The following NOL10 variants were observed in gnomAD, a reference collection of about 807,000 sequenced individuals.
NOL10 encodes H_NH0074G24.1.
A neutral mutation model predicts 103.5 loss-of-function variants in NOL10; 58 were observed. That is an observed-to-expected ratio of 0.56 (90% CI 0.45 to 0.70). The LOEUF (loss-of-function observed/expected upper bound fraction) is 0.70, where lower values mean the gene tolerates loss of function less well. Ranked by LOEUF, NOL10 falls within the 30% of genes least tolerant of loss-of-function variation. NOL10 has a pLI of 0.00. For synonymous variants in NOL10, 287 were observed against 282.5 expected, an observed-to-expected ratio of 1.02 and a Z score of -0.16; for missense variants, 763 against 807.3, an observed-to-expected ratio of 0.95 and a Z score of 0.67.
chr2:10,603,759 A>G (rs1225929285), intron 14 of NOL10, among the ~76,000 whole-genome samples: 1 of 152,206 alleles, frequency 6.6e-6, no homozygotes, highest in Non-Finnish European at 1.5e-5. Context: ...ACTTTCACAG[A>G]GTTTCCCAGT....
At chr2:10,651,236 T>C (rs553002335) in intron 12 of NOL10, among the ~76,000 whole-genome samples, 12 of 152,168 alleles carry the variant, frequency 7.9e-5, no homozygotes, top group African/African-American at 2.9e-4. Flanking sequence ...TTGGTTACAA[T>C]GGAAAAACTG....
In NOL10 at chr2:10,682,063, C is replaced by T. The variant is rs1356857139; in HGVS notation, c.119G>A (p.Arg40His). 7 of 1,466,308 alleles carry T rather than the reference C, an allele frequency of 4.8e-6. No homozygotes were observed. The highest frequency in any genetic ancestry group is 2.9e-5 in the African/African-American group (2 of 69,970). 90.8% of individuals were successfully genotyped at this position (1,466,308 alleles called of 1,614,324 possible). A position where few individuals can be genotyped will look rare whatever the true frequency, so the allele number is the denominator to read the frequency against. Residue 40 changes from arginine to histidine, a missense_variant, in exon 3 of 21, where the codon CGT (arginine) becomes CAT (histidine). Physicochemically the swap from Arg to His is conservative, Grantham distance 29 (BLOSUM62 0). Coordinates refer to ENST00000381685, the MANE Select transcript of NOL10 (RefSeq NM_024894.4). Reference protein sequence around the residue: ...RALQKKDVDVRRRIELIQDFE... With the variant: ...RALQKKDVDVHRRIELIQDFE... ...GTCCTGAATAAGTTCAATTCTCCTA[C>T]GGACATCTAAAAAGAGAGAAAAAAA... is the stretch of plus-strand genomic sequence containing the variant.
Position 10,681,977 on chromosome 2 carries a change from C to T in NOL10, c.205G>A (p.Ala69Thr). The T allele has an allele frequency of 7.1e-7, 1 of 1,409,972 alleles. No homozygotes were observed. The allele number at this position is 1,409,972 out of a possible 1,614,324, so 87.3% of individuals were successfully genotyped here. ...KVSKDGQYILATGTYKPRVRC... is the reference protein window; with the variant it reads ...KVSKDGQYILTTGTYKPRVRC... ...TAACCAAAAAGATGCTTACCAGTTG[C>T]TAAAATGTACTGTCCATCTTTTGAC... Residue 69 changes from alanine to threonine, a missense_variant, in exon 3 of 21, where the codon GCA becomes ACA. By Grantham distance (58) the Ala-to-Thr change is moderately conservative (BLOSUM62 0). Transcript: ENST00000381685.
rs192372130 is a variant in NOL10 at position 10,575,001 on chromosome 2, C to T, written c.1947+2635G>A. Among the ~76,000 whole-genome samples the T allele has an allele frequency of 7.5e-4, 115 of 152,342 alleles. 1 individual carries two copies. Among genetic ancestry groups the T allele is most frequent in the Middle Eastern group, 3.4e-3 (1 of 294 alleles). On this transcript the variant is annotated intron_variant, in intron 20 of 20. Transcript: ENST00000381685. The stretch of plus-strand genomic sequence containing the variant: ...AGGCGGCATCTGGAAGGCCTTGCCG[C>T]CATGTGGCGGATTCAGGAGGATAGG...
intron 13 of NOL10, among the ~76,000 whole-genome samples, chr2:10,636,599 G>A (rs935624404): frequency 3.0e-5 from 4 of 131,190 alleles, no homozygotes; most frequent in South Asian, 4.8e-4. Flanking sequence ...GACAGAGTGC[G>A]ACCTTCAATC....
At chr2:10,666,187 C>G (rs1416513793) in intron 8 of NOL10, among the ~76,000 whole-genome samples, 1 of 152,164 alleles carries the variant, frequency 6.6e-6, no homozygotes, top group Admixed American at 6.5e-5. Flanking sequence ...CAGCCTCCAG[C>G]TGCATCCATG....
intron 17 of NOL10, among the ~76,000 whole-genome samples, chr2:10,594,055 G>C (rs1029291722): frequency 6.6e-6 from 1 of 152,100 alleles, no homozygotes. Context: ...AAATAACTAT[G>C]GATCATGGCA....
At chr2:10,630,691 G>A (rs1239043732) in intron 13 of NOL10, among the ~76,000 whole-genome samples, 1 of 152,046 alleles carries the variant, frequency 6.6e-6, no homozygotes, top group Non-Finnish European at 1.5e-5. Context: ...CTCCAGCCTG[G>A]GCGAAAGAGC....
Position 10,662,095 on chromosome 2 carries a change from A to G in NOL10, c.677+864T>C, listed in dbSNP as rs568006334. 4.6e-5 allele frequency among the ~76,000 whole-genome samples: 7 copies of G among 152,338 alleles called. No individual in the cohort carries two copies. The East Asian group carries it at 9.6e-4, about 21-fold the overall frequency. On this transcript the variant is annotated intron_variant, in intron 9 of 20. Transcript: ENST00000381685. The stretch of plus-strand genomic sequence containing the variant: ...CTAGTAATAAATATGCTTCTGCAAC[A>G]TAATTCCTAAAGGCTGAGTAACATG...
chr2:10,676,500 T>C (rs1404117814), intron 3 of NOL10, among the ~76,000 whole-genome samples: 1 of 152,198 alleles, frequency 6.6e-6, no homozygotes, highest in African/African-American at 2.4e-5. Flanking sequence ...CAGACCTCAG[T>C]AGTAACCATT....
intron 6 of NOL10, among the ~76,000 whole-genome samples, chr2:10,671,019 T>G (rs1173219138): frequency 6.6e-6 from 1 of 152,170 alleles, no homozygotes; most frequent in Non-Finnish European, 1.5e-5. Context: ...AATCAAACTA[T>G]CAAATTACCA....
chr2:10,621,039 C>G (rs1677113843), intron 13 of NOL10, among the ~76,000 whole-genome samples: 2 of 152,176 alleles, frequency 1.3e-5, no homozygotes, highest in African/African-American at 4.8e-5. Flanking sequence ...AAAGATCCAC[C>G]TGCCTCGGCC....
At chr2:10,603,535 A>AGGGAG in intron 14 of NOL10, among the ~76,000 whole-genome samples, 1 of 152,314 alleles carries the variant, frequency 6.6e-6, no homozygotes, top group African/African-American at 2.4e-5. Context: ...AGAGAGGAGA[A>AGGGAG]ACATTGTCAT....
intron 13 of NOL10, among the ~76,000 whole-genome samples, chr2:10,635,445 A>T (rs757915413): frequency 6.6e-6 from 1 of 152,224 alleles, no homozygotes; most frequent in Non-Finnish European, 1.5e-5. Context: ...AGAAAACACC[A>T]AGTCTCCAAC....
intron 1 of NOL10, among the ~76,000 whole-genome samples, chr2:10,687,318 T>A (rs1682285021): frequency 1.3e-5 from 2 of 152,158 alleles, no homozygotes; most frequent in Admixed American, 1.3e-4. Context: ...TCTGCCTTCA[T>A]CTTACTGAAG....
chr2:10,683,667 G>A (rs1473812673), intron 2 of NOL10, among the ~76,000 whole-genome samples: 2 of 152,168 alleles, frequency 1.3e-5, no homozygotes, highest in Non-Finnish European at 2.9e-5. Flanking sequence ...ACACAGGTTT[G>A]CTTACTGCTT....
At chr2:10,643,021 A>C (rs913269288) in intron 13 of NOL10, among the ~76,000 whole-genome samples, 1 of 152,198 alleles carries the variant, frequency 6.6e-6, no homozygotes, top group African/African-American at 2.4e-5. Context: ...TGTAGTCCAT[A>C]ATATTTATTA....
intron 17 of NOL10, among the ~76,000 whole-genome samples, chr2:10,592,605 A>T (rs1675447401): frequency 6.6e-6 from 1 of 152,206 alleles, no homozygotes; most frequent in Non-Finnish European, 1.5e-5. Context: ...TTTTCAGGTT[A>T]AAAAAACCCA....
intron 7 of NOL10, among the ~76,000 whole-genome samples, chr2:10,668,269 C>A (rs990184508): frequency 6.6e-6 from 1 of 152,000 alleles, no homozygotes; most frequent in Non-Finnish European, 1.5e-5. Context: ...TAAAAGGAAA[C>A]CTTTAAAAAC....
Sources: gnomAD v4.1 joint callset for allele counts (sites outside exome capture counted in the v4.1 genomes callset) on GRCh38, gnomAD v4.1.1 for gene constraint, MANE v1.5 for transcripts, NCBI Gene and HGNC (gene_info 2026-07-23, HGNC 2026-07-21) for gene names.